Variants in NPSR1 observed in about 807,000 individuals in gnomAD.
NPSR1 encodes neuropeptide S receptor.
NPSR1 carries 48 observed loss-of-function variants against 46.9 expected under a neutral mutation model. The observed-to-expected ratio is 1.02, with a 90% confidence interval of 0.81 to 1.30. NPSR1 has a LOEUF of 1.30. Among genes scored for constraint, NPSR1 ranks in the 50% most tolerant of loss-of-function variants. The probability of loss-of-function intolerance (pLI) is 0.00; values close to 1 mark genes in which losing one functional copy is unlikely to be tolerated. For missense variants in NPSR1, 450 were observed against 449.5 expected (o/e 1.00, Z -0.01); for synonymous variants, 176 against 168.1 (o/e 1.05, Z -0.36).
intron 3 of NPSR1, among the ~76,000 whole-genome samples, chr7:34,811,029 C>T (rs1439892562): frequency 2.6e-5 from 4 of 152,160 alleles, no homozygotes; most frequent in Admixed American, 6.5e-5. Context: ...CATTGAACTC[C>T]GGCCCCACAG....
chr7:34,701,220 T>C (rs323916), intron 2 of NPSR1, among the ~76,000 whole-genome samples: 112,681 of 152,166 alleles, frequency 0.74, 42,887 homozygotes, highest in African/African-American at 0.93. Context: ...GAGAGACTTT[T>C]TCGGAACTCA....
chr7:34,706,033 A>ATGATT (rs1310048992), intron 2 of NPSR1, among the ~76,000 whole-genome samples: 1 of 151,874 alleles, frequency 6.6e-6, no homozygotes, highest in African/African-American at 2.4e-5. Flanking sequence ...TTAGATGGGT[A>ATGATT]TAGAAATCTT....
intron 2 of NPSR1, among the ~76,000 whole-genome samples, chr7:34,693,982 AG>A (rs771422956): frequency 5.9e-5 from 9 of 152,192 alleles, no homozygotes; most frequent in Non-Finnish European, 1.0e-4. Flanking sequence ...TCAACAAATT[AG>A]GCATCTAAGG....
At chr7:34,823,555 G>A (rs753664374) in intron 4 of NPSR1, among the ~76,000 whole-genome samples, 13 of 152,130 alleles carry the variant, frequency 8.5e-5, no homozygotes, top group Non-Finnish European at 1.5e-4. Flanking sequence ...CAACTATTAG[G>A]AGAGTATAAG....
intron 2 of NPSR1, among the ~76,000 whole-genome samples, chr7:34,689,417 A>T (rs1480741441): frequency 2.0e-5 from 3 of 151,602 alleles, no homozygotes; most frequent in Admixed American, 2.0e-4. Flanking sequence ...CATCCTGGCT[A>T]ATACGGTGAT....
intron 3 of NPSR1, among the ~76,000 whole-genome samples, chr7:34,798,330 C>A (rs1788283116): frequency 1.3e-5 from 2 of 152,156 alleles, no homozygotes; most frequent in South Asian, 2.1e-4. Flanking sequence ...AGGTCAGGAG[C>A]TTGTGGCCAG....
intron 3 of NPSR1, among the ~76,000 whole-genome samples, chr7:34,787,971 G>C (rs1787539671): frequency 6.6e-6 from 1 of 152,004 alleles, no homozygotes; most frequent in Non-Finnish European, 1.5e-5. Flanking sequence ...CTGGAAAAAT[G>C]ACAGACTTGC....
At chr7:34,706,632 C>T (rs1034259737) in intron 2 of NPSR1, among the ~76,000 whole-genome samples, 1 of 152,050 alleles carries the variant, frequency 6.6e-6, no homozygotes, top group Admixed American at 6.6e-5. Context: ...CTTCTCACAA[C>T]CTATCTAATG....
chr7:34,737,615 G>C (rs574292654), intron 2 of NPSR1, among the ~76,000 whole-genome samples: 2 of 152,288 alleles, frequency 1.3e-5, no homozygotes, highest in East Asian at 3.9e-4. Context: ...AACACAACTG[G>C]CCACTCCCTC....
At chr7:34,758,688 T>G (rs1165282852) in intron 2 of NPSR1, among the ~76,000 whole-genome samples, 1 of 152,236 alleles carries the variant, frequency 6.6e-6, no homozygotes, top group Non-Finnish European at 1.5e-5. Context: ...ATGTTAATAT[T>G]TTTCATATTT....
chr7:34,851,852 G>A (rs549957350), downstream of NPSR1, among the ~76,000 whole-genome samples: 5 of 152,108 alleles, frequency 3.3e-5, no homozygotes, highest in Non-Finnish European at 7.3e-5. Flanking sequence ...CTCATTTCCC[G>A]AGAAGACTGG....
intron 5 of NPSR1, among the ~76,000 whole-genome samples, chr7:34,829,536 G>A (rs917624307): frequency 4.6e-5 from 7 of 152,188 alleles, no homozygotes; most frequent in Admixed American, 2.0e-4. Context: ...CTGAGGCATC[G>A]ATTTCAGTGG....
At chr7:34,837,098 A>G (rs1471088246) in intron 6 of NPSR1, among the ~76,000 whole-genome samples, 1 of 152,180 alleles carries the variant, frequency 6.6e-6, no homozygotes, top group Non-Finnish European at 1.5e-5. Flanking sequence ...TATCAATGTT[A>G]TTGCAGTTAT....
At chr7:34,784,066 TA>T (rs1336675343) in intron 3 of NPSR1, among the ~76,000 whole-genome samples, 3 of 152,098 alleles carry the variant, frequency 2.0e-5, no homozygotes, top group African/African-American at 7.2e-5. Context: ...CATGAAAATA[TA>T]TAAAAGTGAT....
At chr7:34,796,231 A>G (rs997181757) in intron 3 of NPSR1, among the ~76,000 whole-genome samples, 1 of 152,208 alleles carries the variant, frequency 6.6e-6, no homozygotes, top group Non-Finnish European at 1.5e-5. Flanking sequence ...TATATCCATG[A>G]CAAAAACGAA....
At chr7:34,792,715 T>TTATATATATATGTGTATATATATATTTA (rs1787981008) in intron 3 of NPSR1, among the ~76,000 whole-genome samples, 1 of 98,926 alleles carries the variant, frequency 1.0e-5, no homozygotes, top group African/African-American at 3.9e-5. Context: ...ATATATATAT[T>TTATATATATATGTGTATATATATATTTA]TATATATATA....
At position 34,778,450 on chromosome 7, in the gene NPSR1, C is replaced by A. The variant is rs765802310; in HGVS notation, c.281-12C>A. The A allele has an allele frequency of 2.0e-6, 3 of 1,487,898 alleles. No homozygotes were observed. Among genetic ancestry groups the A allele is most frequent in the South Asian group, 1.2e-5 (1 of 86,702 alleles). 92.2% of individuals were successfully genotyped at this position (1,487,898 alleles called of 1,614,324 possible). A position where few individuals can be genotyped will look rare whatever the true frequency, so the allele number is the denominator to read the frequency against. Reference sequence around the variant, plus strand: ...TAAACCCTGAATGTAAGCACTTGTACGTTTTTGTTAGATTCTTTCACAGGA... The same window carrying A: ...TAAACCCTGAATGTAAGCACTTGTAAGTTTTTGTTAGATTCTTTCACAGGA... On this transcript the variant is annotated splice_polypyrimidine_tract_variant and intron_variant, in intron 2 of 8. Transcript: ENST00000360581.
At chr7:34,659,631 C>A (rs1424367128) in intron 1 of NPSR1, among the ~76,000 whole-genome samples, 2 of 152,204 alleles carry the variant, frequency 1.3e-5, no homozygotes, top group African/African-American at 2.4e-5. Context: ...TGCAGCAAAG[C>A]AGAACCTGAG....
chr7:34,845,729 G>A (rs1191104715), intron 7 of NPSR1: 1 of 370,078 alleles, frequency 2.7e-6, no homozygotes, highest in African/African-American at 2.1e-5. Flanking sequence ...TGAGGGCAAT[G>A]ACTTTGGCTT....
Sources: allele counts gnomAD v4.1 joint callset (sites outside exome capture counted in the v4.1 genomes callset), GRCh38; gene constraint gnomAD v4.1.1; transcripts MANE v1.5; gene names NCBI Gene and HGNC (gene_info 2026-07-23, HGNC 2026-07-21).